The following SLC5A3 variants were observed in gnomAD, a reference collection of about 807,000 sequenced individuals.
SLC5A3 encodes the protein solute carrier family 5 member 3.
A neutral mutation model predicts 43.2 loss-of-function variants in SLC5A3; 10 were observed. That is an observed-to-expected ratio of 0.23 (90% CI 0.14 to 0.39). The LOEUF is 0.39. Ranked by LOEUF, SLC5A3 falls within the 10% of genes least tolerant of loss-of-function variation. SLC5A3 has a pLI of 1.00. For synonymous variants in SLC5A3, 349 were observed against 322.0 expected (o/e 1.08, Z -0.90); for missense variants, 608 against 893.4 (o/e 0.68, Z 4.07).
At chr21:34,084,189 C>T (rs1452726532) in intron 1 of SLC5A3, among the ~76,000 whole-genome samples, 1 of 152,154 alleles carries the variant, frequency 6.6e-6, no homozygotes, top group Non-Finnish European at 1.5e-5. Flanking sequence ...AGTTTTCCAA[C>T]TGAAAAGTAT....
Position 34,101,815 on chromosome 21 carries a change from T to G in SLC5A3, c.*4460T>G, listed in dbSNP as rs933129014. ...ATTCTCAGGAATGATTTTCTCACACTTTGTGTTGGCTAATAATAAAAGCAC... is the reference window on the plus strand; with the variant it reads ...ATTCTCAGGAATGATTTTCTCACACGTTGTGTTGGCTAATAATAAAAGCAC... On this transcript the variant is annotated 3_prime_UTR_variant, in exon 2 of 2. Transcript: ENST00000381151. The G allele has an allele frequency of 4.0e-6, 4 of 998,768 alleles. No individual in the cohort carries two copies. The highest frequency in any genetic ancestry group is 4.8e-6 in the Non-Finnish European group (4 of 828,834). The allele number at this position is 998,768 out of a possible 1,614,324, so 61.9% of individuals were successfully genotyped here.
chr21:34,074,601 T>A (rs2148649807), intron 1 of SLC5A3, among the ~76,000 whole-genome samples: 1 of 152,340 alleles, frequency 6.6e-6, no homozygotes, highest in South Asian at 2.1e-4. Flanking sequence ...CTGGGTCATG[T>A]ACTCCTCAAG....
chr21:34,078,595 T>C (rs1163327357), intron 1 of SLC5A3, among the ~76,000 whole-genome samples: 1 of 152,208 alleles, frequency 6.6e-6, no homozygotes. Flanking sequence ...CCTTTTAGAT[T>C]ATAAAATCAG....
At chr21:34,078,946 T>TA (rs1989395973) in intron 1 of SLC5A3, among the ~76,000 whole-genome samples, 1 of 152,240 alleles carries the variant, frequency 6.6e-6, no homozygotes, top group Admixed American at 6.5e-5. Flanking sequence ...CACATGTAGT[T>TA]ACCTCTTAGG....
In SLC5A3 at chr21:34,105,112, C is replaced by T; in HGVS notation, c.*7757C>T. The stretch of plus-strand genomic sequence containing the variant: ...TTATTTTTTTTAATAATGCCATACT[C>T]CATTAGTGTCAGATGATGGTATGGA... On this transcript the variant is annotated 3_prime_UTR_variant, in exon 2 of 2. Transcript: ENST00000381151. 1.0e-6 allele frequency: 1 copy of T among 1,000,130 alleles called. No individual in the cohort carries two copies. 62.0% of individuals were successfully genotyped at this position (1,000,130 alleles called of 1,614,324 possible).
chr21:34,091,283 C>CT (rs1978674990), intron 1 of SLC5A3, among the ~76,000 whole-genome samples: 1 of 152,108 alleles, frequency 6.6e-6, no homozygotes, highest in Admixed American at 6.6e-5. Context: ...TGTCATTGAA[C>CT]TTATGACTTG....
At position 34,098,590 on chromosome 21, in the gene SLC5A3, G is replaced by C. The variant is rs1979081403; in HGVS notation, c.*1235G>C. 1 of 1,000,118 alleles carries C rather than the reference G, an allele frequency of 1.0e-6. No homozygotes were observed. Among genetic ancestry groups the C allele is most frequent in the Admixed American group, 6.2e-5 (1 of 16,252 alleles). 62.0% of individuals were successfully genotyped at this position (1,000,118 alleles called of 1,614,324 possible). ...TAACAGAAAACTCAGTGCATACTTT[G>C]CTGTTGTTAGGTTGTCAATATAGTC... On this transcript the variant is annotated 3_prime_UTR_variant, in exon 2 of 2. Transcript: ENST00000381151.
rs765081516 is a variant in SLC5A3, at chr21:34,073,664, G to T, written c.-418G>T. The T allele has an allele frequency of 6.6e-7, 1 of 1,511,110 alleles. No individual in the cohort carries two copies. The highest frequency in any genetic ancestry group is 1.9e-5 in the Admixed American group (1 of 53,714). 93.6% of individuals were successfully genotyped at this position (1,511,110 alleles called of 1,614,324 possible). A position where few individuals can be genotyped will look rare whatever the true frequency, so the allele number is the denominator to read the frequency against. Reference sequence around the variant, plus strand: ...CCCGCCCCTTCGCGTCCCGGGAACCGGCTGGCTTCCGAGCCGCACTCGCCG... The same window carrying T: ...CCCGCCCCTTCGCGTCCCGGGAACCTGCTGGCTTCCGAGCCGCACTCGCCG... On this transcript the variant is annotated 5_prime_UTR_variant, in exon 1 of 2. Transcript: ENST00000381151.
rs796339112 is a variant in SLC5A3, at chr21:34,075,164, T to TA, written c.-337+1420dup. ...AGTTGTTTAAGCCCTCCCTTCAACT[T>TA]ACGTGTTTTAGGGAATGTGGAACCT... On this transcript the variant is annotated intron_variant, in intron 1 of 1. Transcript: ENST00000381151. 1.5e-4 allele frequency among the ~76,000 whole-genome samples: 23 copies of TA among 152,372 alleles called. 1 individual carries two copies. Among genetic ancestry groups the TA allele is most frequent in the African/African-American group, 5.0e-4 (21 of 41,588 alleles).
Position 34,096,394 on chromosome 21 carries a change from G to T in SLC5A3, c.1196G>T (p.Arg399Leu). 1.2e-6 allele frequency: 2 copies of T among 1,614,154 alleles called. No homozygotes were observed. The highest frequency in any genetic ancestry group is 1.7e-6 in the Non-Finnish European group (2 of 1,180,014). ...ACCCTCGATGTGTACAAACTTATCC[G>T]CAAGAGCGCAAGCTCCCGGGAGTTA... ...IFTLDVYKLI[R>L]KSASSRELMI... The change falls in exon 2 of 2, where the codon CGC becomes CTC. Residue 399 changes from arginine (R) to leucine (L), a missense_variant. Arg to Leu is a moderately radical substitution (Grantham distance 102, BLOSUM62 -2). This residue lies in a region of SLC5A3 where 398 missense variants were observed against 668.6 expected (regional missense o/e 0.60). Transcript: ENST00000381151. This position sits in a 1 kb window ranked among gnomAD's most constrained non-coding sequence, Gnocchi z 5.9.
Position 34,095,822 on chromosome 21 carries a change from CG to C in SLC5A3, c.627del (p.Phe210LeufsTer20). 1 of 1,613,916 alleles carries C rather than the reference CG, an allele frequency of 6.2e-7. No homozygotes were observed. Among genetic ancestry groups the C allele is most frequent in the Non-Finnish European group, 8.5e-7 (1 of 1,179,934 alleles). ...LMIISIMEIG[G>X]FEEVKRRYML... Reference sequence around the variant, plus strand: ...TGATTATTAGCATAATGGAGATTGGCGGGTTTGAGGAAGTTAAGAGAAGGTA... The same window carrying C: ...TGATTATTAGCATAATGGAGATTGGCGGTTTGAGGAAGTTAAGAGAAGGTA... On this transcript the variant is annotated frameshift_variant, in exon 2 of 2. Coordinates refer to ENST00000381151, the MANE Select transcript of SLC5A3 (RefSeq NM_006933.7). LOFTEE classifies it high-confidence loss of function.
At position 34,096,167 on chromosome 21, in the gene SLC5A3, G is replaced by A; in HGVS notation, c.969G>A (p.Leu323=). The A allele has an allele frequency of 6.2e-7, 1 of 1,614,138 alleles. No individual in the cohort carries two copies. The highest frequency in any genetic ancestry group is 8.5e-7 in the Non-Finnish European group (1 of 1,179,998). ...TCCCAGGAATGATTTCCAGGATACT[G>A]TTTACTGATGATATAGCTTGCATCA... The part of the protein sequence containing the change: ...IVVPGMISRI[L]FTDDIACINP... Residue 323 remains leucine (L), a synonymous_variant, in exon 2 of 2, where the codon CTG becomes CTA. Coordinates refer to ENST00000381151, the MANE Select transcript of SLC5A3 (RefSeq NM_006933.7). This position sits in a 1 kb window ranked among gnomAD's most constrained non-coding sequence, Gnocchi z 5.9.
chr21:34,091,550 T>TA, intron 1 of SLC5A3, among the ~76,000 whole-genome samples: 1 of 152,212 alleles, frequency 6.6e-6, no homozygotes. Context: ...AATTTGGTCT[T>TA]ACCTTTTTTT....
Position 34,101,898 on chromosome 21 carries a change from T to A in SLC5A3, c.*4543T>A. 1 of 1,000,224 alleles carries A rather than the reference T, an allele frequency of 1.0e-6. No homozygotes were observed. Among genetic ancestry groups the A allele is most frequent in the Non-Finnish European group, 1.2e-6 (1 of 829,958 alleles). 62.0% of individuals were successfully genotyped at this position (1,000,224 alleles called of 1,614,324 possible). ...TAGGGAGAGAGCAGTAGTGATCATT[T>A]ATGTGAGCCCCTTTGAAATGATGGT... On this transcript the variant is annotated 3_prime_UTR_variant, in exon 2 of 2. Transcript: ENST00000381151.
At chr21:34,090,944 G>T (rs931976925) in intron 1 of SLC5A3, among the ~76,000 whole-genome samples, 3 of 152,202 alleles carry the variant, frequency 2.0e-5, no homozygotes, top group Non-Finnish European at 4.4e-5. Flanking sequence ...AAATCTGTCT[G>T]TTGGGGTGGG....
chr21:34,075,421 C>T (rs781161917), intron 1 of SLC5A3, among the ~76,000 whole-genome samples: 3 of 151,906 alleles, frequency 2.0e-5, no homozygotes, highest in Admixed American at 1.3e-4. Flanking sequence ...TTTTTATGTC[C>T]TGTAATAACA....
In SLC5A3 at chr21:34,103,384, A is replaced by G. The variant is rs1979335466; in HGVS notation, c.*6029A>G. The G allele has an allele frequency of 1.0e-6, 1 of 998,030 alleles. No individual in the cohort carries two copies. The highest frequency in any genetic ancestry group is 1.2e-6 in the Non-Finnish European group (1 of 828,514). 61.8% of individuals were successfully genotyped at this position (998,030 alleles called of 1,614,324 possible). A position where few individuals can be genotyped will look rare whatever the true frequency, so the allele number is the denominator to read the frequency against. On this transcript the variant is annotated 3_prime_UTR_variant, in exon 2 of 2. Transcript: ENST00000381151. ...GCAGCCTTTATTTAGGTTCAGTGAA[A>G]CCAGGTAGTTCTGTATTTGTGTTGT...
rs754597325 is a variant in SLC5A3, at chr21:34,097,094, C to T, written c.1896C>T (p.Ser632=). ...SEAETPVDAY[S]NGQAALMGEK... The stretch of plus-strand genomic sequence containing the variant: ...CAGAAACACCAGTTGACGCTTACTC[C>T]AATGGGCAAGCAGCTCTCATGGGTG... The change falls in exon 2 of 2, where the codon TCC becomes TCT. Residue 632 remains serine, a synonymous_variant. Transcript: ENST00000381151. 8 of 1,613,896 alleles carry T rather than the reference C, an allele frequency of 5.0e-6. No individual in the cohort carries two copies. In the South Asian group the frequency reaches 5.5e-5, roughly 11 times the overall value.
chr21:34,090,162 T>TAC (rs1359550415), intron 1 of SLC5A3, among the ~76,000 whole-genome samples: 2 of 152,234 alleles, frequency 1.3e-5, no homozygotes, highest in African/African-American at 4.8e-5. Context: ...TAGCTCCACT[T>TAC]ACAATTTAAA....
Sources: allele counts gnomAD v4.1 joint callset (sites outside exome capture counted in the v4.1 genomes callset), GRCh38; gene constraint gnomAD v4.1.1; regional missense constraint gnomAD v4.1.1; non-coding constraint Gnocchi (gnomAD v3.1); transcripts MANE v1.5; gene names NCBI Gene and HGNC (gene_info 2026-07-23, HGNC 2026-07-21).